NPSR1: variants seen among roughly 807,000 people sequenced by gnomAD.
NPSR1 encodes the protein neuropeptide S receptor.
In NPSR1, 48 loss-of-function variants were observed where a neutral mutation model predicts 46.9. That is an observed-to-expected ratio of 1.02 (90% CI 0.81 to 1.30). The LOEUF (loss-of-function observed/expected upper bound fraction) is 1.30, where lower values mean the gene tolerates loss of function less well. NPSR1 is among the 50% of genes most tolerant of loss of function. The pLI, the probability that NPSR1 is intolerant of heterozygous loss-of-function variation, is 0.00. For missense variants in NPSR1, 450 were observed against 449.5 expected, an observed-to-expected ratio of 1.00 and a Z score of -0.01; for synonymous variants, 176 against 168.1, an observed-to-expected ratio of 1.05 and a Z score of -0.36.
chr7:34,772,344 A>G (rs1219134027), intron 2 of NPSR1, among the ~76,000 whole-genome samples: 1 of 152,174 alleles, frequency 6.6e-6, no homozygotes, highest in African/African-American at 2.4e-5. Context: ...TTAATCCCCA[A>G]AGTTGCAGTT....
intron 8 of NPSR1, among the ~76,000 whole-genome samples, chr7:34,876,312 T>C (rs1487955799): frequency 6.6e-6 from 1 of 152,216 alleles, no homozygotes; most frequent in Non-Finnish European, 1.5e-5. Flanking sequence ...GCATTTTGCT[T>C]ATGCTTTTTG....
chr7:34,708,483 A>G (rs969120550), intron 2 of NPSR1, among the ~76,000 whole-genome samples: 9 of 152,244 alleles, frequency 5.9e-5, no homozygotes, highest in African/African-American at 2.2e-4. Flanking sequence ...AAGCCAGGGT[A>G]CTTAACAAAA....
chr7:34,777,484 G>GC (rs1787019208), intron 2 of NPSR1, among the ~76,000 whole-genome samples: 1 of 141,022 alleles, frequency 7.1e-6, no homozygotes, highest in African/African-American at 2.6e-5. Context: ...ATTTAAAACT[G>GC]TTTTTTTTTT....
intron 2 of NPSR1, among the ~76,000 whole-genome samples, chr7:34,720,984 GA>G (rs367669923): frequency 9.3e-5 from 14 of 150,944 alleles, no homozygotes; most frequent in East Asian, 1.9e-4. Flanking sequence ...GGATATCTCT[GA>G]AAAAAAAATT....
At chr7:34,820,559 G>C (rs540389458) in intron 4 of NPSR1, among the ~76,000 whole-genome samples, 1 of 152,266 alleles carries the variant, frequency 6.6e-6, no homozygotes, top group South Asian at 2.1e-4. Flanking sequence ...TATTCTGAGT[G>C]AAATATCAGT....
chr7:34,858,534 C>T (rs1460131232), intron 8 of NPSR1, among the ~76,000 whole-genome samples: 1 of 151,072 alleles, frequency 6.6e-6, no homozygotes, highest in African/African-American at 2.4e-5. Flanking sequence ...TTGTATTAGT[C>T]CGTTTTTCAC....
chr7:34,695,457 A>G (rs1793470213), intron 2 of NPSR1, among the ~76,000 whole-genome samples: 1 of 152,186 alleles, frequency 6.6e-6, no homozygotes, highest in African/African-American at 2.4e-5. Context: ...AAAATAGGCA[A>G]GTGGAACTTA....
At chr7:34,768,724 C>T (rs924396233) in intron 2 of NPSR1, among the ~76,000 whole-genome samples, 1 of 152,090 alleles carries the variant, frequency 6.6e-6, no homozygotes, top group Non-Finnish European at 1.5e-5. Flanking sequence ...ACTGGAATTA[C>T]CATTTAGATT....
chr7:34,766,119 G>A (rs1562712191), intron 2 of NPSR1, among the ~76,000 whole-genome samples: 1 of 152,082 alleles, frequency 6.6e-6, no homozygotes, highest in Non-Finnish European at 1.5e-5. Flanking sequence ...TTAGTCATTA[G>A]AGAAATGAAA....
intron 2 of NPSR1, chr7:34,719,822 A>G (rs1783759204): frequency 6.6e-6 from 1 of 152,202 alleles, no homozygotes; most frequent in African/African-American, 2.4e-5. Context: ...GAAGATGGGA[A>G]AAATGAAAAC....
At chr7:34,816,014 G>A (rs1035890718) in intron 4 of NPSR1, among the ~76,000 whole-genome samples, 2 of 151,912 alleles carry the variant, frequency 1.3e-5, no homozygotes, top group Non-Finnish European at 2.9e-5. Flanking sequence ...TCAACTAACG[G>A]GCAAAATAAC....
rs145092108 is a variant in NPSR1, at chr7:34,810,822, C to G, written c.385-948C>G. 3.4e-3 allele frequency among the ~76,000 whole-genome samples: 520 copies of G among 152,288 alleles called. 3 individuals carry two copies. Among genetic ancestry groups the G allele is most frequent in the African/African-American group, 0.012 (505 of 41,550 alleles). ...AAAGAACTGAAGCATTGTCACTCAT[C>G]ATGGCCAGCAGTACAAATTCTAGCA... On this transcript the variant is annotated intron_variant, in intron 3 of 8. Transcript: ENST00000360581.
chr7:34,730,777 T>C (rs967818075), intron 2 of NPSR1, among the ~76,000 whole-genome samples: 1 of 152,198 alleles, frequency 6.6e-6, no homozygotes, highest in African/African-American at 2.4e-5. Flanking sequence ...TATTTGGTTG[T>C]GTGTCTGTTA....
At position 34,859,363 on chromosome 7, in the gene NPSR1, C is replaced by T. The variant is rs1275883041; in HGVS notation, c.1025+10700C>T. Among the ~76,000 whole-genome samples, 2 of 151,592 alleles carry T rather than the reference C, an allele frequency of 1.3e-5. 1 individual carries two copies. The highest frequency in any genetic ancestry group is 4.9e-5 in the African/African-American group (2 of 40,910). ...CTGGTTTCCCACTTCAGTATTCATC[C>T]AAAGAGTCTCCTCCTGCTTGTTTTC... On this transcript the variant is annotated intron_variant, in intron 8 of 8. Transcript: ENST00000359791.
At chr7:34,830,328 C>A (rs1192615425) in intron 5 of NPSR1, among the ~76,000 whole-genome samples, 1 of 152,012 alleles carries the variant, frequency 6.6e-6, no homozygotes, top group Admixed American at 6.6e-5. Flanking sequence ...TTCATGCATG[C>A]TATATATGCT....
At chr7:34,696,414 C>T (rs547762891) in intron 2 of NPSR1, among the ~76,000 whole-genome samples, 1 of 152,116 alleles carries the variant, frequency 6.6e-6, no homozygotes, top group East Asian at 1.9e-4. Context: ...CCACTAGTTA[C>T]AATATGTTAC....
chr7:34,690,914 G>C (rs1793218492), intron 2 of NPSR1, among the ~76,000 whole-genome samples: 1 of 152,094 alleles, frequency 6.6e-6, no homozygotes, highest in Admixed American at 6.5e-5. Flanking sequence ...ACATCACCAA[G>C]ACGTATAGTC....
chr7:34,688,292 A>G (rs1044646562), intron 2 of NPSR1, among the ~76,000 whole-genome samples: 1 of 152,254 alleles, frequency 6.6e-6, no homozygotes, highest in East Asian at 1.9e-4. Context: ...TGATTAAAAA[A>G]TAACCAGGAA....
At chr7:34,822,387 AGGCAAT>A (rs1388391531) in intron 4 of NPSR1, among the ~76,000 whole-genome samples, 3 of 152,210 alleles carry the variant, frequency 2.0e-5, no homozygotes, top group Non-Finnish European at 1.5e-5. Flanking sequence ...TGCAGGCACA[AGGCAAT>A]GGCCGCTTAA....
Sources: gnomAD v4.1 joint callset for allele counts (sites outside exome capture counted in the v4.1 genomes callset) on GRCh38, gnomAD v4.1.1 for gene constraint, MANE v1.5 for transcripts, NCBI Gene and HGNC (gene_info 2026-07-23, HGNC 2026-07-21) for gene names.